Variants in CRLF3 observed in about 807,000 individuals in gnomAD.
CRLF3 encodes the protein cytokine receptor-like factor 3.
In CRLF3, 33 loss-of-function variants were observed where a neutral mutation model predicts 55.0. That is an observed-to-expected ratio of 0.60 (90% CI 0.46 to 0.80). CRLF3 has a LOEUF of 0.80. Among genes scored for constraint, CRLF3 ranks in the 30% least tolerant of loss-of-function variants. CRLF3 has a pLI of 0.00. For missense variants in CRLF3, 494 were observed against 538.4 expected (o/e 0.92, Z 0.82); for synonymous variants, 238 against 196.8 (o/e 1.21, Z -1.75).
At chr17:30,785,820 TCTC>T in intron 7 of CRLF3, 96 bp downstream of exon 7, 1 of 626,944 alleles carries the variant, frequency 1.6e-6, no homozygotes, top group Non-Finnish European at 2.7e-6. Context: ...ACCTAAATTT[TCTC>T]ATCTCCTACT....
At chr17:30,792,837 C>G (rs1279893802) in intron 5 of CRLF3, 2 of 135,398 alleles carry the variant, frequency 1.5e-5, no homozygotes, top group African/African-American at 1.6e-4. Flanking sequence ...AGCATAATTG[C>G]TTGAACTTAT....
At chr17:30,800,530 C>T (rs1971990334) in intron 2 of CRLF3, among the ~76,000 whole-genome samples, 2 of 152,072 alleles carry the variant, frequency 1.3e-5, no homozygotes, top group African/African-American at 4.8e-5. Context: ...CCTTTCCTTT[C>T]CCCTCCATCA....
At chr17:30,807,461 A>C (rs188668263) in intron 1 of CRLF3, among the ~76,000 whole-genome samples, 8 of 151,350 alleles carry the variant, frequency 5.3e-5, no homozygotes, top group Non-Finnish European at 1.0e-4. Flanking sequence ...GGACTAAAAC[A>C]GAAAAAGAGC....
chr17:30,818,506 T>A (rs1904880658), intron 1 of CRLF3, among the ~76,000 whole-genome samples: 1 of 148,312 alleles, frequency 6.7e-6, no homozygotes, highest in Admixed American at 6.9e-5. Context: ...CAGGCTGGAG[T>A]GCAGTGGCAT....
chr17:30,797,438 T>A (rs2142256829), intron 2 of CRLF3, 40 bp from the exon 3 acceptor site: 1 of 1,522,964 alleles, frequency 6.6e-7, no homozygotes, highest in South Asian at 1.1e-5. Context: ...ATGAAAATGG[T>A]CACATATAAA....
At chr17:30,809,962 T>C (rs1337337612) in intron 1 of CRLF3, 1 of 152,102 alleles carries the variant, frequency 6.6e-6, no homozygotes, top group Non-Finnish European at 1.5e-5. Flanking sequence ...TAGAACACTA[T>C]TTTAAAAGAG....
At position 30,784,299 on chromosome 17, in the gene CRLF3, AT is replaced by A. The variant is rs770603773; in HGVS notation, c.1216del (p.Ile406Ter). 1.2e-6 allele frequency: 2 copies of A among 1,614,170 alleles called. No individual in the cohort carries two copies. The highest frequency in any genetic ancestry group is 1.7e-6 in the Non-Finnish European group (2 of 1,180,002). ...EGGHFKLRVT[I>X]SSNNREVVFD... ...AACCACTTCTCTATTATTTGAACTT[AT>A]AGTTACTCGAAGCTTGAAGTGTCCA... is the stretch of plus-strand genomic sequence containing the variant. On this transcript the variant is annotated frameshift_variant, in exon 8 of 8. Coordinates refer to ENST00000324238, the MANE Select transcript of CRLF3 (RefSeq NM_015986.4). LOFTEE classifies it high-confidence loss of function.
chr17:30,811,302 A>G (rs1904610463), intron 1 of CRLF3, among the ~76,000 whole-genome samples: 1 of 151,782 alleles, frequency 6.6e-6, no homozygotes, highest in Non-Finnish European at 1.5e-5. Context: ...TAAAAACACA[A>G]AAATTAGCTG....
At chr17:30,788,673 T>TCTCGG (rs372649137) in intron 6 of CRLF3, among the ~76,000 whole-genome samples, 249 of 145,094 alleles carry the variant, frequency 1.7e-3, no homozygotes, top group African/African-American at 5.2e-3. Context: ...AGTGGCGTGA[T>TCTCGG]CTCGGCTCAC....
intron 2 of CRLF3, among the ~76,000 whole-genome samples, chr17:30,801,647 T>C (rs1972008924): frequency 6.6e-6 from 1 of 152,038 alleles, no homozygotes; most frequent in African/African-American, 2.4e-5. Context: ...GCCAGGTTAG[T>C]CTCAAACTCC....
At chr17:30,795,496 CAA>C (rs540173272) in intron 4 of CRLF3, among the ~76,000 whole-genome samples, 26 of 100,474 alleles carry the variant, frequency 2.6e-4, no homozygotes, top group Admixed American at 2.4e-4. Context: ...AACTCTGTCT[CAA>C]AAAAAAAAAA....
At position 30,786,320 on chromosome 17, in the gene CRLF3, A is replaced by G. The variant is rs143114757; in HGVS notation, c.960-289T>C. 2.7e-3 allele frequency: 587 copies of G among 217,242 alleles called. 2 individuals are homozygous for G. Among genetic ancestry groups the G allele is most frequent in the South Asian group, 4.1e-3 (43 of 10,444 alleles). The allele number at this position is 217,242 out of a possible 1,614,324, so 13.5% of individuals were successfully genotyped here. On this transcript the variant is annotated intron_variant, in intron 6 of 7. Coordinates refer to ENST00000324238, the MANE Select transcript of CRLF3 (RefSeq NM_015986.4). ...GGTGGTGCGACCTTGGCTCACTGCA[A>G]CCTCCGCCTCCCGGGTTCAAGCAGT...
intron 1 of CRLF3, among the ~76,000 whole-genome samples, chr17:30,821,183 A>T (rs1053437907): frequency 2.7e-4 from 41 of 152,070 alleles, no homozygotes; most frequent in African/African-American, 9.9e-4. Context: ...TACCAAAAAT[A>T]CAAAAAATTA....
At chr17:30,792,193 G>A (rs1971817298) in intron 6 of CRLF3, among the ~76,000 whole-genome samples, 1 of 150,848 alleles carries the variant, frequency 6.6e-6, no homozygotes, top group South Asian at 2.1e-4. Flanking sequence ...TACTTACCAA[G>A]AGGAAAAGAG....
At chr17:30,814,946 T>G (rs1210840942) in intron 1 of CRLF3, among the ~76,000 whole-genome samples, 1 of 151,990 alleles carries the variant, frequency 6.6e-6, no homozygotes, top group Non-Finnish European at 1.5e-5. Flanking sequence ...GAAGTTGCCG[T>G]GAGCCAATAT....
rs180808022 is a variant in CRLF3, at chr17:30,784,632, A to G, written c.1073-189T>C. 1,356 of 507,400 alleles carry G rather than the reference A, an allele frequency of 2.7e-3. 37 individuals carry two copies. The Admixed American group carries it at 0.043, about 16-fold the overall frequency. The allele number at this position is 507,400 out of a possible 1,614,324, so 31.4% of individuals were successfully genotyped here. ...TTCCAGCAGAGACTATGAGTTTCCC[A>G]TATCAGTGTCATCAAAAGAAACTTG... On this transcript the variant is annotated intron_variant, in intron 7 of 7. Transcript: ENST00000324238.
intron 1 of CRLF3, 84 bp from the exon 2 acceptor site, chr17:30,804,192 A>G: frequency 1.1e-6 from 1 of 882,872 alleles, no homozygotes; most frequent in Non-Finnish European, 1.8e-6. Context: ...ATCTAAAAGC[A>G]CTGTATAACC....
chr17:30,804,741 C>T (rs1339184769), intron 1 of CRLF3, among the ~76,000 whole-genome samples: 7 of 151,972 alleles, frequency 4.6e-5, no homozygotes, highest in African/African-American at 1.7e-4. Flanking sequence ...GATTCATTTG[C>T]ACAAACAGAC....
intron 1 of CRLF3, among the ~76,000 whole-genome samples, chr17:30,824,057 T>G (rs935613017): frequency 3.9e-5 from 6 of 152,060 alleles, no homozygotes; most frequent in African/African-American, 1.4e-4. Flanking sequence ...TCTCGCCCCT[T>G]AGTCCTCCCC....
Sources: gnomAD v4.1 joint callset for allele counts (sites outside exome capture counted in the v4.1 genomes callset) on GRCh38, gnomAD v4.1.1 for gene constraint, MANE v1.5 for transcripts, NCBI Gene and HGNC (gene_info 2026-07-23, HGNC 2026-07-21) for gene names.